The following LRBA variants were observed in gnomAD, a reference collection of about 807,000 sequenced individuals.
LRBA encodes LPS responsive beige-like anchor protein.
Under a neutral mutation model 330.0 loss-of-function variants are expected in LRBA, and 176 were observed. The ratio of observed to expected loss-of-function variants is 0.53; its 90% CI spans 0.47 to 0.60. The LOEUF (loss-of-function observed/expected upper bound fraction) is 0.60. Ranked by LOEUF, LRBA falls within the 20% of genes least tolerant of loss-of-function variation. LRBA has a pLI of 0.00. For synonymous variants in LRBA, 1,230 were observed against 1,193.0 expected, an observed-to-expected ratio of 1.03 and a Z score of -0.64; for missense variants, 3,259 against 3,444.8, an observed-to-expected ratio of 0.95 and a Z score of 1.35.
chr4:150,446,941 G>A (rs905537653), intron 44 of LRBA, among the ~76,000 whole-genome samples: 2 of 152,102 alleles, frequency 1.3e-5, no homozygotes, highest in Non-Finnish European at 2.9e-5. Context: ...TCTATATGGT[G>A]GGGGAGGGGG....
chr4:150,709,021 T>C (rs1462213798), intron 36 of LRBA, among the ~76,000 whole-genome samples: 1 of 151,824 alleles, frequency 6.6e-6, no homozygotes, highest in Non-Finnish European at 1.5e-5. Flanking sequence ...GCAACAATGA[T>C]AATCACTAAC....
intron 30 of LRBA, among the ~76,000 whole-genome samples, chr4:150,818,305 C>T (rs1744891619): frequency 1.3e-5 from 2 of 152,026 alleles, no homozygotes; most frequent in South Asian, 4.1e-4. Context: ...AGGGCAAACA[C>T]TGTTGCCAAT....
At chr4:150,777,066 T>TTG (rs1553959732) in intron 34 of LRBA, among the ~76,000 whole-genome samples, 2,917 of 134,360 alleles carry the variant, frequency 0.022, 47 homozygotes, top group Non-Finnish European at 0.024. Context: ...TTTGAGGGGT[T>TTG]TTGTTGTTGT....
At chr4:150,844,033 A>G in intron 28 of LRBA, 67 bp downstream of exon 28, 1 of 970,116 alleles carries the variant, frequency 1.0e-6, no homozygotes, top group Non-Finnish European at 1.6e-6. Flanking sequence ...TTTAATCTCA[A>G]TACATTAGGC....
At chr4:150,765,052 G>A (rs1056317635) in intron 34 of LRBA, among the ~76,000 whole-genome samples, 3 of 151,090 alleles carry the variant, frequency 2.0e-5, no homozygotes, top group African/African-American at 7.3e-5. Context: ...GATAAATTGT[G>A]GTACAACCAG....
chr4:150,484,223 A>AT (rs1241505785), intron 42 of LRBA, among the ~76,000 whole-genome samples: 2 of 151,686 alleles, frequency 1.3e-5, no homozygotes, highest in Non-Finnish European at 2.9e-5. Context: ...CTCCTTTTCT[A>AT]TTTTTTGCAA....
intron 48 of LRBA, among the ~76,000 whole-genome samples, chr4:150,342,056 A>G (rs2127015938): frequency 6.6e-6 from 1 of 152,102 alleles, no homozygotes; most frequent in Non-Finnish European, 1.5e-5. Flanking sequence ...TTCGATTTTA[A>G]GAGAATTTTT....
intron 2 of LRBA, among the ~76,000 whole-genome samples, chr4:150,973,773 A>G (rs1250065983): frequency 6.6e-6 from 1 of 152,204 alleles, no homozygotes; most frequent in African/African-American, 2.4e-5. Flanking sequence ...CGAGAAGATC[A>G]CTTCAGCCCA....
At chr4:150,532,632 C>T (rs1764164734) in intron 40 of LRBA, among the ~76,000 whole-genome samples, 1 of 151,966 alleles carries the variant, frequency 6.6e-6, no homozygotes, top group Non-Finnish European at 1.5e-5. Context: ...AATTTGTTTA[C>T]ATGCAACCTT....
chr4:150,436,447 A>G (rs1246759219), intron 45 of LRBA, among the ~76,000 whole-genome samples: 1 of 152,178 alleles, frequency 6.6e-6, no homozygotes, highest in Non-Finnish European at 1.5e-5. Context: ...ATTTTAATAG[A>G]CTACATTTTA....
chr4:150,295,286 T>C (rs980967566), intron 53 of LRBA, among the ~76,000 whole-genome samples: 24 of 150,406 alleles, frequency 1.6e-4, no homozygotes, highest in African/African-American at 5.4e-4. Context: ...ACTGCAGCCT[T>C]GACCTCCCTG....
At position 150,852,916 on chromosome 4, in the gene LRBA, G is replaced by C. The variant is rs775305878; in HGVS notation, c.2794C>G (p.Leu932Val). ...TGCTGTTCCCTAAATATATTGGCAA[G>C]GTTTTCTTTGTGTATTTCAAAAGTG... ...KVTFEIHKEN[L>V]ANIFREQQGK... Residue 932 changes from leucine to valine, a missense_variant, in exon 23 of 57, where the codon CTT (leucine) becomes GTT (valine). Transcript: ENST00000651943. 5 of 1,578,038 alleles carry C rather than the reference G, an allele frequency of 3.2e-6. No homozygotes were observed. The highest frequency in any genetic ancestry group is 4.3e-6 in the Non-Finnish European group (5 of 1,163,780).
At chr4:150,747,011 G>A (rs1420059248) in intron 35 of LRBA, among the ~76,000 whole-genome samples, 5 of 152,072 alleles carry the variant, frequency 3.3e-5, no homozygotes, top group Non-Finnish European at 7.4e-5. Context: ...GGTATCAGCC[G>A]TCAGCCATCT....
chr4:150,902,604 GTTAT>G (rs1449835502), intron 13 of LRBA, among the ~76,000 whole-genome samples: 1 of 152,146 alleles, frequency 6.6e-6, no homozygotes, highest in African/African-American at 2.4e-5. Context: ...ACCTCTAAAG[GTTAT>G]TTAAACCCCA....
chr4:150,366,413 G>C (rs17026846), intron 47 of LRBA, among the ~76,000 whole-genome samples: 5,409 of 152,180 alleles, frequency 0.036, 306 homozygotes, highest in African/African-American at 0.12. Context: ...TGCAGTTATA[G>C]GTCAGAATCT....
intron 9 of LRBA, among the ~76,000 whole-genome samples, chr4:150,910,600 G>A (rs991321361): frequency 6.6e-6 from 1 of 152,106 alleles, no homozygotes; most frequent in Non-Finnish European, 1.5e-5. Context: ...ACCCTGAAGT[G>A]TAAAGCCTGC....
At chr4:150,727,312 G>C (rs936251298) in intron 36 of LRBA, among the ~76,000 whole-genome samples, 1 of 151,988 alleles carries the variant, frequency 6.6e-6, no homozygotes, top group African/African-American at 2.4e-5. Flanking sequence ...GACCTCAGGT[G>C]ATCCACCTGC....
chr4:150,670,094 GAGA>G (rs1352515859), intron 37 of LRBA, among the ~76,000 whole-genome samples: 1 of 152,096 alleles, frequency 6.6e-6, no homozygotes, highest in Non-Finnish European at 1.5e-5. Flanking sequence ...ATCTTGTTGG[GAGA>G]TACTTTGAAA....
intron 47 of LRBA, among the ~76,000 whole-genome samples, chr4:150,365,165 C>T (rs754953649): frequency 8.6e-5 from 13 of 151,894 alleles, no homozygotes; most frequent in Non-Finnish European, 1.5e-4. Flanking sequence ...TGCCACCACA[C>T]CCGGCGAATT....
Sources: allele counts gnomAD v4.1 joint callset (sites outside exome capture counted in the v4.1 genomes callset), GRCh38; gene constraint gnomAD v4.1.1; transcripts MANE v1.5; gene names NCBI Gene and HGNC (gene_info 2026-07-23, HGNC 2026-07-21).